The following SLC8A1 variants were observed in gnomAD, a reference collection of about 807,000 sequenced individuals.
SLC8A1 encodes solute carrier family 8 member A1.
SLC8A1 carries 18 observed loss-of-function variants against 68.3 expected under a neutral mutation model. The observed-to-expected ratio is 0.26, with a 90% CI of 0.18 to 0.39. The LOEUF is 0.39. SLC8A1 is among the 10% of genes least tolerant of loss of function. The pLI, the probability that SLC8A1 is intolerant of heterozygous loss-of-function variation, is 1.00. For synonymous variants in SLC8A1, 475 were observed against 415.5 expected, an observed-to-expected ratio of 1.14 and a Z score of -1.74; for missense variants, 985 against 1,156.7, an observed-to-expected ratio of 0.85 and a Z score of 2.15.
chr2:40,380,137 C>T (rs533036142), intron 2 of SLC8A1, among the ~76,000 whole-genome samples: 36 of 152,264 alleles, frequency 2.4e-4, no homozygotes, highest in Non-Finnish European at 3.5e-4. Flanking sequence ...GTTGTTCTAT[C>T]TCAATAGCAA....
At chr2:40,216,406 G>A (rs528355664) in intron 2 of SLC8A1, among the ~76,000 whole-genome samples, 1 of 152,138 alleles carries the variant, frequency 6.6e-6, no homozygotes, top group South Asian at 2.1e-4. Flanking sequence ...GTCTATCATT[G>A]ATGGGCATTT....
chr2:40,315,438 A>ATTTTT (rs71406056), intron 2 of SLC8A1, among the ~76,000 whole-genome samples: 5 of 138,412 alleles, frequency 3.6e-5, no homozygotes, highest in Non-Finnish European at 6.2e-5. Context: ...TTTCCTAAGA[A>ATTTTT]TTTTTTTTTT....
chr2:40,172,680 C>T (rs774873514), intron 4 of SLC8A1, among the ~76,000 whole-genome samples: 3 of 152,102 alleles, frequency 2.0e-5, no homozygotes, highest in East Asian at 1.9e-4. Flanking sequence ...CGGTGGCTCA[C>T]GCCTGTAATC....
At chr2:40,253,165 A>G (rs2063238314) in intron 2 of SLC8A1, among the ~76,000 whole-genome samples, 1 of 135,624 alleles carries the variant, frequency 7.4e-6, no homozygotes, top group South Asian at 2.2e-4. Context: ...ATATATATGT[A>G]TATACACACA....
intron 2 of SLC8A1, among the ~76,000 whole-genome samples, chr2:40,261,119 G>C (rs570113174): frequency 2.0e-5 from 3 of 152,282 alleles, no homozygotes; most frequent in East Asian, 3.9e-4. Context: ...TCCTGACTAT[G>C]AGAATCTTCT....
At chr2:40,462,966 T>C (rs986958102) in intron 1 of SLC8A1, among the ~76,000 whole-genome samples, 1 of 152,060 alleles carries the variant, frequency 6.6e-6, no homozygotes, top group Non-Finnish European at 1.5e-5. Context: ...AGTTTTTGAG[T>C]GACCACTAAG....
At chr2:40,236,927 C>A (rs1191711349) in intron 2 of SLC8A1, among the ~76,000 whole-genome samples, 1 of 152,190 alleles carries the variant, frequency 6.6e-6, no homozygotes, top group African/African-American at 2.4e-5. Context: ...TGAACATTGG[C>A]CCCCACTCTC....
At chr2:40,183,967 G>A (rs1019624472) in intron 2 of SLC8A1, among the ~76,000 whole-genome samples, 42 of 152,080 alleles carry the variant, frequency 2.8e-4, no homozygotes, top group Non-Finnish European at 1.2e-4. Flanking sequence ...AGCAGCCTGG[G>A]CAACAAAGTG....
chr2:40,260,353 T>C (rs1427436972), intron 2 of SLC8A1, among the ~76,000 whole-genome samples: 2 of 152,246 alleles, frequency 1.3e-5, no homozygotes, highest in Non-Finnish European at 2.9e-5. Flanking sequence ...AAGATAGGTC[T>C]GTGGTCTCAA....
chr2:40,225,985 A>G (rs915882984), intron 2 of SLC8A1, among the ~76,000 whole-genome samples: 16 of 152,188 alleles, frequency 1.1e-4, no homozygotes, highest in African/African-American at 3.6e-4. Context: ...TTAGCAGGCA[A>G]GTAAATAAGA....
intron 2 of SLC8A1, among the ~76,000 whole-genome samples, chr2:40,264,224 A>T (rs1321573444): frequency 1.3e-5 from 2 of 150,966 alleles, no homozygotes; most frequent in Non-Finnish European, 3.0e-5. Flanking sequence ...GGATGTGGAG[A>T]AATAGGAACA....
chr2:40,111,007 A>G (rs1289207570), exon 8 of SLC8A1: 1 of 152,154 alleles, frequency 6.6e-6, no homozygotes, highest in African/African-American at 2.4e-5. Context: ...TGGAAAATGC[A>G]ATGTGAGTGG....
chr2:40,154,583 TC>T (rs1326593680), intron 6 of SLC8A1, among the ~76,000 whole-genome samples: 1 of 149,152 alleles, frequency 6.7e-6, no homozygotes, highest in Non-Finnish European at 1.5e-5. Flanking sequence ...TGCCTCAGAC[TC>T]CCAAAGTATT....
At chr2:40,228,971 G>A (rs545849633) in intron 2 of SLC8A1, among the ~76,000 whole-genome samples, 77 of 152,194 alleles carry the variant, frequency 5.1e-4, no homozygotes, top group African/African-American at 1.7e-3. Context: ...GGAAAAGCAA[G>A]CATAATCTTT....
chr2:40,293,440 C>A (rs918334802), intron 2 of SLC8A1, among the ~76,000 whole-genome samples: 2 of 152,104 alleles, frequency 1.3e-5, no homozygotes, highest in Admixed American at 1.3e-4. Context: ...GTTAAATAAA[C>A]CTTAATCTAA....
intron 2 of SLC8A1, among the ~76,000 whole-genome samples, chr2:40,237,800 T>C (rs1416668381): frequency 6.6e-6 from 1 of 152,220 alleles, no homozygotes; most frequent in African/African-American, 2.4e-5. Flanking sequence ...ACGTCCTTTC[T>C]GTTTGTTAGT....
At chr2:40,181,945 A>G (rs1224453183) in intron 2 of SLC8A1, among the ~76,000 whole-genome samples, 1 of 152,202 alleles carries the variant, frequency 6.6e-6, no homozygotes, top group African/African-American at 2.4e-5. Flanking sequence ...TTTTGGCTTG[A>G]TAATCAGCAG....
Position 40,120,738 on chromosome 2 carries a change from C to T in SLC8A1, c.2438-5109G>A, listed in dbSNP as rs2036587828. On this transcript the variant is annotated intron_variant, in intron 7 of 7. Transcript: ENST00000406785. ...AAGACCTGAAGATACTACCTTTGATCAAACTGTGACAATATTTATGGAATT... is the reference window on the plus strand; with the variant it reads ...AAGACCTGAAGATACTACCTTTGATTAAACTGTGACAATATTTATGGAATT... The T allele has an allele frequency of 2.0e-5, 3 of 152,166 alleles. 1 individual carries two copies. The highest frequency in any genetic ancestry group is 1.5e-5 in the Non-Finnish European group (1 of 68,024). 9.4% of individuals were successfully genotyped at this position (152,166 alleles called of 1,614,324 possible).
chr2:40,453,815 G>A (rs755130569), upstream of SLC8A1, among the ~76,000 whole-genome samples: 1 of 152,186 alleles, frequency 6.6e-6, no homozygotes, highest in Non-Finnish European at 1.5e-5. Context: ...TTGAAGTGAT[G>A]CTGAGGCCGT....
Sources: allele counts gnomAD v4.1 joint callset (sites outside exome capture counted in the v4.1 genomes callset), GRCh38; gene constraint gnomAD v4.1.1; transcripts MANE v1.5; gene names NCBI Gene and HGNC (gene_info 2026-07-23, HGNC 2026-07-21).